The following SEMA6A variants were observed in gnomAD, a reference collection of about 807,000 sequenced individuals.
SEMA6A encodes semaphorin 6A, also known as semaphorin-6A.
SEMA6A carries 25 observed loss-of-function variants against 96.8 expected under a neutral mutation model. The observed-to-expected ratio is 0.26, with a 90% confidence interval of 0.19 to 0.36. SEMA6A has a LOEUF of 0.36. Ranked by LOEUF, SEMA6A falls within the 10% of genes least tolerant of loss-of-function variation. The pLI is 1.00. For missense variants in SEMA6A, 1,363 were observed against 1,323.1 expected (o/e 1.03, Z -0.47); for synonymous variants, 612 against 518.0 (o/e 1.18, Z -2.46).
chr5:116,531,555 C>G (rs1407240991), intron 1 of SEMA6A, among the ~76,000 whole-genome samples: 1 of 152,090 alleles, frequency 6.6e-6, no homozygotes, highest in Non-Finnish European at 1.5e-5. Context: ...CCATCCCTTG[C>G]TCCTGTTAGA....
chr5:116,574,329 GTGTGCT>G lies in SEMA6A; in HGVS notation c.-189_-184del, dbSNP rs1761372891. 6.6e-6 allele frequency: 1 copy of G among 151,732 alleles called. No individual in the cohort carries two copies. The highest frequency in any genetic ancestry group is 1.5e-5 in the Non-Finnish European group (1 of 67,958). The allele number at this position is 151,732 out of a possible 1,614,324, so 9.4% of individuals were successfully genotyped here. ...TCGCAAGCCTTTGTCATTCCTACAT[GTGTGCT>G]TGTCTCTTTGGGGGAAATAGTCGCG... is the stretch of plus-strand genomic sequence containing the variant. On this transcript the variant is annotated 5_prime_UTR_variant, in exon 1 of 19. Coordinates refer to ENST00000343348, the MANE Select transcript of SEMA6A (RefSeq NM_020796.5).
At chr5:116,570,068 T>C (rs1158623163) in intron 1 of SEMA6A, among the ~76,000 whole-genome samples, 1 of 152,210 alleles carries the variant, frequency 6.6e-6, no homozygotes, top group African/African-American at 2.4e-5. Context: ...GATACCCTTG[T>C]GTATAGACTA....
intron 1 of SEMA6A, among the ~76,000 whole-genome samples, chr5:116,516,921 A>G (rs1184978841): frequency 6.6e-6 from 1 of 152,164 alleles, no homozygotes; most frequent in Non-Finnish European, 1.5e-5. Context: ...CATCTGGAGG[A>G]ATCATTTTGG....
chr5:116,496,959 C>T (rs1414114389), intron 4 of SEMA6A, among the ~76,000 whole-genome samples: 3 of 152,162 alleles, frequency 2.0e-5, no homozygotes, highest in Non-Finnish European at 2.9e-5. Context: ...AAACTTAATA[C>T]TGCAAGACAT....
At chr5:116,560,209 C>T (rs1760767034) in intron 1 of SEMA6A, among the ~76,000 whole-genome samples, 1 of 152,224 alleles carries the variant, frequency 6.6e-6, no homozygotes, top group Admixed American at 6.5e-5. Context: ...CCTGACCTCC[C>T]AGCTGGACAG....
intron 1 of SEMA6A, among the ~76,000 whole-genome samples, chr5:116,530,632 T>C (rs1759428864): frequency 6.6e-6 from 1 of 152,160 alleles, no homozygotes; most frequent in Admixed American, 6.5e-5. Flanking sequence ...CGTTCATGGG[T>C]GCTTTTAAGA....
intron 1 of SEMA6A, among the ~76,000 whole-genome samples, chr5:116,549,124 A>T (rs1053027275): frequency 6.6e-6 from 1 of 152,220 alleles, no homozygotes; most frequent in Admixed American, 6.5e-5. Flanking sequence ...TGGAAAAAAC[A>T]TCACATGCTA....
At chr5:116,493,610 C>T (rs1475252786) in intron 6 of SEMA6A, among the ~76,000 whole-genome samples, 1 of 152,042 alleles carries the variant, frequency 6.6e-6, no homozygotes, top group Non-Finnish European at 1.5e-5. Flanking sequence ...TAATCCTGGC[C>T]CTGTTGGTGC....
chr5:116,447,844 T>G, intron 18 of SEMA6A, 33 bp from the exon 19 acceptor site: 10 of 1,511,002 alleles, frequency 6.6e-6, no homozygotes, highest in Non-Finnish European at 8.9e-6. Flanking sequence ...CGTTAAGAAA[T>G]GAAAGCACAC....
At chr5:116,572,926 A>C (rs1761284371) in intron 1 of SEMA6A, among the ~76,000 whole-genome samples, 1 of 151,998 alleles carries the variant, frequency 6.6e-6, no homozygotes, top group African/African-American at 2.4e-5. Context: ...AAGTGGGAGG[A>C]GGCGCTGGGC....
intron 2 of SEMA6A, 111 bp downstream of exon 2, chr5:116,504,734 G>T (rs1327875941): frequency 2.5e-6 from 2 of 792,398 alleles, no homozygotes; most frequent in Non-Finnish European, 2.1e-6. Context: ...CACATACAGA[G>T]GACTAATAAG....
intron 7 of SEMA6A, among the ~76,000 whole-genome samples, chr5:116,489,392 C>T (rs1757222345): frequency 6.6e-6 from 1 of 151,966 alleles, no homozygotes; most frequent in African/African-American, 2.4e-5. Flanking sequence ...GGTGAGAGCC[C>T]AGGGAAAGAT....
Position 116,568,583 on chromosome 5 carries a change from C to G in SEMA6A, c.-39+5602G>C, listed in dbSNP as rs565560343. On this transcript the variant is annotated intron_variant, in intron 1 of 18. Coordinates refer to ENST00000343348, the MANE Select transcript of SEMA6A (RefSeq NM_020796.5). ...TGAGGCCAGGGTCAAAAGCTCAATC[C>G]CCACAAATGCTGGCTGTCTTCTTAG... Among the ~76,000 whole-genome samples the G allele has an allele frequency of 3.0e-4, 45 of 152,276 alleles. No individual in the cohort carries two copies. In the South Asian group the frequency reaches 9.1e-3, roughly 31 times the overall value.
chr5:116,458,568 G>A (rs1330654394), intron 18 of SEMA6A, among the ~76,000 whole-genome samples: 1 of 152,018 alleles, frequency 6.6e-6, no homozygotes, highest in Non-Finnish European at 1.5e-5. Flanking sequence ...AAAAGTTCAA[G>A]TCTCCATAAT....
At chr5:116,460,525 G>T (rs2112622820) in intron 18 of SEMA6A, among the ~76,000 whole-genome samples, 1 of 152,170 alleles carries the variant, frequency 6.6e-6, no homozygotes, top group South Asian at 2.1e-4. Flanking sequence ...AGTACTCTCA[G>T]TTAATTCGGA....
At chr5:116,538,583 A>G (rs1759827220) in intron 1 of SEMA6A, among the ~76,000 whole-genome samples, 2 of 152,190 alleles carry the variant, frequency 1.3e-5, no homozygotes, top group Admixed American at 1.3e-4. Context: ...CAGAATTTCA[A>G]TTAGATGTGT....
intron 10 of SEMA6A, among the ~76,000 whole-genome samples, chr5:116,484,726 T>C (rs903922719): frequency 7.9e-5 from 12 of 152,142 alleles, no homozygotes; most frequent in Non-Finnish European, 7.4e-5. Flanking sequence ...CAAGGTCCCA[T>C]AGGAGGTGAC....
At chr5:116,535,625 G>T (rs1174065046) in intron 1 of SEMA6A, among the ~76,000 whole-genome samples, 2 of 152,260 alleles carry the variant, frequency 1.3e-5, no homozygotes, top group South Asian at 2.1e-4. Flanking sequence ...ATTCCATGCG[G>T]TCCTGACACA....
chr5:116,479,826 G>C (rs542247168), intron 12 of SEMA6A, among the ~76,000 whole-genome samples: 3 of 152,228 alleles, frequency 2.0e-5, no homozygotes, highest in Admixed American at 2.0e-4. Context: ...CTCCTTCACT[G>C]CTCCTCTATT....
Sources: allele counts gnomAD v4.1 joint callset (sites outside exome capture counted in the v4.1 genomes callset), GRCh38; gene constraint gnomAD v4.1.1; transcripts MANE v1.5; gene names NCBI Gene and HGNC (gene_info 2026-07-23, HGNC 2026-07-21).